Variants in BEST1 observed in about 807,000 individuals in gnomAD.
The protein encoded by BEST1 is bestrophin-1.
In BEST1, 58 loss-of-function variants were observed where a neutral mutation model predicts 63.3. The ratio of observed to expected loss-of-function variants is 0.92; its 90% CI spans 0.74 to 1.14. The LOEUF is 1.14. BEST1 is among the 50% of genes most tolerant of loss of function. The pLI is 0.00. For synonymous variants in BEST1, 283 were observed against 291.6 expected (o/e 0.97, Z 0.30); for missense variants, 671 against 740.1 (o/e 0.91, Z 1.08).
Position 61,957,466 on chromosome 11 carries a change from T to C in BEST1, c.714+2T>C. 1 of 1,613,822 alleles carries C rather than the reference T, an allele frequency of 6.2e-7. No individual in the cohort carries two copies. The highest frequency in any genetic ancestry group is 8.5e-7 in the Non-Finnish European group (1 of 1,179,786). On this transcript the variant is annotated splice_donor_variant, in intron 6 of 10. Coordinates refer to ENST00000378043, the MANE Select transcript of BEST1 (RefSeq NM_004183.4). LOFTEE classifies it high-confidence loss of function. ...AGTATCCCACTGGTGTATACACAGGTGAGGACTAGGCTGGTGAGGCTGCCC... is the reference window on the plus strand; with the variant it reads ...AGTATCCCACTGGTGTATACACAGGCGAGGACTAGGCTGGTGAGGCTGCCC...
intron 8 of BEST1, 76 bp downstream of exon 8, chr11:61,959,654 T>C: frequency 6.6e-7 from 1 of 1,511,544 alleles, no homozygotes; most frequent in Non-Finnish European, 9.2e-7. Flanking sequence ...CACTGTTCTG[T>C]AGGGAGGCCT....
At chr11:61,960,200 C>T (rs1390732859) in intron 9 of BEST1, 157 bp downstream of exon 9, 1 of 1,087,290 alleles carries the variant, frequency 9.2e-7, no homozygotes, top group African/African-American at 1.6e-5. Flanking sequence ...TTTTTCCTCC[C>T]AATAATTCTG....
chr11:61,958,328 G>A (rs770850193), intron 7 of BEST1, 30 bp downstream of exon 7: 1 of 1,614,118 alleles, frequency 6.2e-7, no homozygotes, highest in South Asian at 1.1e-5. Flanking sequence ...TGCTGGGCTG[G>A]AGGCATGGCC....
At position 61,958,311 on chromosome 11, in the gene BEST1, A is replaced by G. The variant is rs1346516529; in HGVS notation, c.867+13A>G. 3 of 1,614,042 alleles carry G rather than the reference A, an allele frequency of 1.9e-6. No homozygotes were observed. The highest frequency in any genetic ancestry group is 1.7e-6 in the Non-Finnish European group (2 of 1,180,024). Reference sequence around the variant, plus strand: ...TGGCTGGCTGAAGGTGGGCCTCTCCAGGGCCCTGCTGGGCTGGAGGCATGG... The same window carrying G: ...TGGCTGGCTGAAGGTGGGCCTCTCCGGGGCCCTGCTGGGCTGGAGGCATGG... On this transcript the variant is annotated intron_variant, in intron 7 of 10. Coordinates refer to ENST00000378043, the MANE Select transcript of BEST1 (RefSeq NM_004183.4).
intron 1 of BEST1, 103 bp downstream of exon 1, chr11:61,950,530 AC>A (rs1240385155): frequency 3.3e-5 from 5 of 152,602 alleles, no homozygotes; most frequent in Non-Finnish European, 7.3e-5. Context: ...CACAGGCAGC[AC>A]ATGCGCAGGT....
chr11:61,962,208 G>A (rs1942136879), intron 9 of BEST1, 47 bp from the exon 10 acceptor site: 1 of 1,602,728 alleles, frequency 6.2e-7, no homozygotes, highest in Non-Finnish European at 8.5e-7. Flanking sequence ...GCCAGGTGTT[G>A]GTCCTTTGTC....
intron 10 of BEST1, chr11:61,963,896 A>T (rs1942332350): frequency 7.4e-6 from 10 of 1,353,968 alleles, no homozygotes; most frequent in Non-Finnish European, 9.7e-6. Flanking sequence ...CCAACGCAGG[A>T]GGTTGAGGGG....
rs1462236701 is a variant in BEST1 at position 61,962,302 on chromosome 11, AG to A, written c.1150del (p.Asp384MetfsTer11). On this transcript the variant is annotated frameshift_variant, in exon 10 of 11. Coordinates refer to ENST00000378043, the MANE Select transcript of BEST1 (RefSeq NM_004183.4). LOFTEE classifies it high-confidence loss of function. ...TTCCAGCCCAATCAGGAGGACGAGG[AG>A]GATGCTCACGCTGGCATCATTGGCC... Reference protein sequence around the residue: ...MEFQPNQEDEEDAHAGIIGRF... With the variant: ...MEFQPNQEDEXDAHAGIIGRF... 3.1e-6 allele frequency: 5 copies of A among 1,614,158 alleles called. No individual in the cohort carries two copies. Among genetic ancestry groups the A allele is most frequent in the Non-Finnish European group, 4.2e-6 (5 of 1,180,028 alleles).
downstream of BEST1, chr11:61,964,909 A>G: frequency 6.2e-7 from 1 of 1,612,612 alleles, no homozygotes; most frequent in Non-Finnish European, 8.5e-7. Context: ...ACAATGGGGA[A>G]GACAGTTAGT....
chr11:61,961,626 T>C (rs1158999153), intron 9 of BEST1: 1 of 157,266 alleles, frequency 6.4e-6, no homozygotes, highest in Non-Finnish European at 1.4e-5. Flanking sequence ...AAGTACTGGA[T>C]GTCCAGAAAA....
chr11:61,958,675 C>T (rs890977197), intron 7 of BEST1: 50 of 499,950 alleles, frequency 1.0e-4, no homozygotes, highest in Non-Finnish European at 1.7e-4. Context: ...TCTTGTTCCT[C>T]ACCTCAAGTG....
At position 61,959,992 on chromosome 11, in the gene BEST1, CT is replaced by C; in HGVS notation, c.1051del (p.Ser351ProfsTer18). On this transcript the variant is annotated frameshift_variant, in exon 9 of 11. Transcript: ENST00000378043. LOFTEE classifies it high-confidence loss of function. ...GAGCCACAGCCCCCCTACACAGCTG[CT>C]TCCGCCCAGTTCCGTCGAGCCTCCT... Reference protein sequence around the residue: ...KPEPQPPYTAASAQFRRASFM... With the variant: ...KPEPQPPYTAXSAQFRRASFM... 7 of 1,612,350 alleles carry C rather than the reference CT, an allele frequency of 4.3e-6. No individual in the cohort carries two copies. The highest frequency in any genetic ancestry group is 5.9e-6 in the Non-Finnish European group (7 of 1,179,406).
intron 4 of BEST1, among the ~76,000 whole-genome samples, chr11:61,956,616 C>G (rs753534824): frequency 2.6e-5 from 4 of 152,060 alleles, no homozygotes; most frequent in Non-Finnish European, 5.9e-5. Flanking sequence ...AAGATCGCAC[C>G]GCTGCACTCC....
rs963736754 is a variant in BEST1, at chr11:61,952,300, A to G, written c.152+342A>G. ...ACTCATAGGCCCACATAGTACATTAAAAAAGAGAGAGAGAGAGAGAGAGAG... is the reference window on the plus strand; with the variant it reads ...ACTCATAGGCCCACATAGTACATTAGAAAAGAGAGAGAGAGAGAGAGAGAG... On this transcript the variant is annotated intron_variant, in intron 2 of 10. Transcript: ENST00000378043. Among the ~76,000 whole-genome samples the G allele has an allele frequency of 1.4e-4, 8 of 56,414 alleles. No homozygotes were observed. In the South Asian group the frequency reaches 9.8e-3, roughly 69 times the overall value. The allele number at this position is 56,414 out of a possible 152,430, so 37.0% of individuals were successfully genotyped here.
At chr11:61,955,404 T>C in intron 3 of BEST1, 2 of 1,442,762 alleles carry the variant, frequency 1.4e-6, no homozygotes, top group Non-Finnish European at 1.8e-6. Flanking sequence ...CGTCCTGCCG[T>C]TAGCAATGAA....
At position 61,955,941 on chromosome 11, in the gene BEST1, G is replaced by C; in HGVS notation, c.471G>C (p.Leu157=). ...AGCGCTTCCCCAGCGCCCAGCACCT[G>C]GTGCAAGCAGGTGGGCGGACCGGGA... ...VYKRFPSAQH[L]VQAGFMTPAE... is the part of the protein sequence containing the mutation. Residue 157 remains leucine, a synonymous_variant, in exon 4 of 11, where the codon CTG becomes CTC. Transcript: ENST00000378043. 4 of 1,547,352 alleles carry C rather than the reference G, an allele frequency of 2.6e-6. No individual in the cohort carries two copies. The highest frequency in any genetic ancestry group is 3.5e-6 in the Non-Finnish European group (4 of 1,145,104).
intron 3 of BEST1, 119 bp from the exon 4 acceptor site, chr11:61,955,599 G>A (rs1591282768): frequency 1.6e-6 from 2 of 1,220,810 alleles, no homozygotes; most frequent in Non-Finnish European, 2.3e-6. Context: ...CAGGAGGGCT[G>A]GGGGCTAGGC....
At chr11:61,961,495 G>A (rs1429952695) in intron 9 of BEST1, 1 of 152,684 alleles carries the variant, frequency 6.5e-6, no homozygotes, top group Non-Finnish European at 1.5e-5. Flanking sequence ...AGCAGCTGAA[G>A]GTTGTTGAGG....
At chr11:61,963,720 G>A in intron 10 of BEST1, 1 of 1,143,436 alleles carries the variant, frequency 8.7e-7, no homozygotes, top group Admixed American at 4.5e-5. Context: ...TCTGTGGCCT[G>A]TTCAGCAAAG....
Sources: gnomAD v4.1 joint callset for allele counts (sites outside exome capture counted in the v4.1 genomes callset) on GRCh38, gnomAD v4.1.1 for gene constraint, MANE v1.5 for transcripts, NCBI Gene and HGNC (gene_info 2026-07-23, HGNC 2026-07-21) for gene names.